Variants in DMD observed in about 807,000 individuals in gnomAD.
DMD encodes mutant dystrophin.
DMD carries 63 observed loss-of-function variants against 330.1 expected under a neutral mutation model. The ratio of observed to expected loss-of-function variants is 0.19; its 90% CI spans 0.16 to 0.24. DMD has a LOEUF of 0.24. Ranked by LOEUF, DMD falls within the 10% of genes least tolerant of loss-of-function variation. DMD has a pLI of 1.00. For synonymous variants in DMD, 1,223 were observed against 959.8 expected (o/e 1.27, Z -5.07); for missense variants, 3,344 against 2,684.1 (o/e 1.25, Z -5.43).
chrX:32,904,492 G>A, intron 2 of DMD, among the ~76,000 whole-genome samples: 1 of 112,232 alleles, frequency 8.9e-6, no homozygotes, highest in Admixed American at 9.4e-5. Context: ...GTTTTGAGCA[G>A]AATAAAGGGT....
At chrX:32,847,211 A>G (rs975926819) in intron 3 of DMD, among the ~76,000 whole-genome samples, 6 of 111,522 alleles carry the variant, frequency 5.4e-5, no homozygotes, top group Non-Finnish European at 7.5e-5. Context: ...GATTTAGCAA[A>G]ATTTTCCTTT....
intron 44 of DMD, among the ~76,000 whole-genome samples, chrX:32,121,150 C>T (rs2098872958): frequency 8.9e-6 from 1 of 111,830 alleles, no homozygotes; most frequent in Admixed American, 9.5e-5. Context: ...TTTGCTCCTT[C>T]CAATTGCAAT....
At chrX:31,648,256 A>G (rs1407474000) in intron 54 of DMD, among the ~76,000 whole-genome samples, 1 of 111,652 alleles carries the variant, frequency 9.0e-6, no homozygotes, top group African/African-American at 3.3e-5. Flanking sequence ...TTCTACAATA[A>G]GAATCACTTG....
chrX:33,080,235 G>A (rs1159004192), intron 1 of DMD, among the ~76,000 whole-genome samples: 2 of 111,718 alleles, frequency 1.8e-5, no homozygotes, highest in South Asian at 3.7e-4. Context: ...TATAGAAAAA[G>A]CTAAATAACC....
chrX:31,889,673 ACACACACACG>A (rs1402500585), intron 47 of DMD, among the ~76,000 whole-genome samples: 47 of 77,410 alleles, frequency 6.1e-4, no homozygotes, highest in African/African-American at 2.6e-3. Context: ...ACACACACAC[ACACACACACG>A]CACACCACAG....
intron 56 of DMD, among the ~76,000 whole-genome samples, chrX:31,505,489 G>GA (rs1424826528): frequency 9.0e-6 from 1 of 111,565 alleles, no homozygotes; most frequent in African/African-American, 3.3e-5. Flanking sequence ...TCTACTCCTA[G>GA]AAAAAATCTA....
At chrX:32,631,865 T>A (rs1484632466) in intron 11 of DMD, among the ~76,000 whole-genome samples, 1 of 111,051 alleles carries the variant, frequency 9.0e-6, no homozygotes, top group Admixed American at 9.5e-5. Context: ...CAATGTGAGA[T>A]CTGGGCAAGA....
At chrX:32,468,144 T>C (rs929899147) in intron 23 of DMD, among the ~76,000 whole-genome samples, 20 of 110,614 alleles carry the variant, frequency 1.8e-4, no homozygotes, top group African/African-American at 5.9e-4. Flanking sequence ...ATAATGTATA[T>C]ATACATAACT....
At chrX:32,647,214 A>G (rs1333534325) in intron 9 of DMD, among the ~76,000 whole-genome samples, 1 of 111,712 alleles carries the variant, frequency 9.0e-6, no homozygotes, top group Non-Finnish European at 1.9e-5. Context: ...GTGTTTTAGA[A>G]GTGAAGTCCT....
chrX:31,135,738 T>A (rs996739838), intron 76 of DMD, among the ~76,000 whole-genome samples: 22 of 112,752 alleles, frequency 2.0e-4, no homozygotes, highest in African/African-American at 6.8e-4. Context: ...AAACTAACTT[T>A]TCATAATATA....
chrX:32,328,452 T>C (rs1047137827), intron 41 of DMD, among the ~76,000 whole-genome samples: 5 of 111,670 alleles, frequency 4.5e-5, no homozygotes, highest in Admixed American at 3.8e-4. Flanking sequence ...GCTCCTCACA[T>C]GTGACAAAAT....
chrX:32,007,581 G>T (rs896047401), intron 44 of DMD, among the ~76,000 whole-genome samples: 1 of 110,877 alleles, frequency 9.0e-6, no homozygotes, highest in Admixed American at 9.7e-5. Context: ...AGCATCTATT[G>T]GTCTCCCAGA....
intron 1 of DMD, among the ~76,000 whole-genome samples, chrX:33,234,421 G>A (rs1034778978): frequency 9.1e-6 from 1 of 110,172 alleles, no homozygotes; most frequent in African/African-American, 3.3e-5. Context: ...GTGACACCTT[G>A]GAGAAGAAAA....
intron 44 of DMD, among the ~76,000 whole-genome samples, chrX:32,159,278 C>G (rs1262458665): frequency 8.9e-6 from 1 of 111,828 alleles, no homozygotes; most frequent in Non-Finnish European, 1.9e-5. Flanking sequence ...CTGAAATTTC[C>G]CATATGGAAG....
At chrX:32,472,021 G>A (rs926878755) in intron 22 of DMD, 143 bp downstream of exon 22, 94 of 693,179 alleles carry the variant, frequency 1.4e-4, no homozygotes, top group Non-Finnish European at 1.8e-4. Flanking sequence ...AAATAATACT[G>A]TAAAGTCTCA....
intron 1 of DMD, among the ~76,000 whole-genome samples, chrX:33,242,534 G>A (rs1388361023): frequency 1.8e-5 from 2 of 111,794 alleles, no homozygotes; most frequent in Non-Finnish European, 3.8e-5. Flanking sequence ...TTGCAATTGC[G>A]CTTTGTGTTG....
At chrX:32,712,314 T>A (rs766777875) in intron 7 of DMD, among the ~76,000 whole-genome samples, 1 of 111,498 alleles carries the variant, frequency 9.0e-6, no homozygotes, top group South Asian at 3.8e-4. Flanking sequence ...GTCCATAGCA[T>A]GAAAAATACT....
intron 76 of DMD, among the ~76,000 whole-genome samples, chrX:31,145,330 T>C (rs1195588931): frequency 9.0e-6 from 1 of 111,660 alleles, no homozygotes; most frequent in Non-Finnish European, 1.9e-5. Context: ...CCTCCCTACT[T>C]ATCCATCCTT....
intron 44 of DMD, among the ~76,000 whole-genome samples, chrX:32,052,229 C>A (rs2096121739): frequency 9.1e-6 from 1 of 109,295 alleles, no homozygotes; most frequent in Non-Finnish European, 1.9e-5. Flanking sequence ...TAAAGATACA[C>A]TCTTGCTCCT....
Sources: gnomAD v4.1 joint callset for allele counts (sites outside exome capture counted in the v4.1 genomes callset) on GRCh38, gnomAD v4.1.1 for gene constraint, MANE v1.5 for transcripts, NCBI Gene and HGNC (gene_info 2026-07-23, HGNC 2026-07-21) for gene names.